The following CA10 variants were observed in gnomAD, a reference collection of about 807,000 sequenced individuals.
The protein encoded by CA10 is carbonic anhydrase-related protein 10.
A neutral mutation model predicts 44.2 loss-of-function variants in CA10; 14 were observed. The ratio of observed to expected loss-of-function variants is 0.32; its 90% CI spans 0.21 to 0.50. CA10 has a LOEUF of 0.50. Among genes scored for constraint, CA10 ranks in the 20% least tolerant of loss-of-function variants. The pLI, the probability that CA10 is intolerant of heterozygous loss-of-function variation, is 0.99. For missense variants in CA10, 350 were observed against 409.7 expected (o/e 0.85, Z 1.26); for synonymous variants, 159 against 141.6 (o/e 1.12, Z -0.87).
chr17:51,677,619 T>TA (rs957831077), intron 4 of CA10, among the ~76,000 whole-genome samples: 2 of 151,818 alleles, frequency 1.3e-5, no homozygotes, highest in African/African-American at 2.4e-5. Context: ...TGCTGATAAT[T>TA]AAAAAAAACC....
intron 1 of CA10, among the ~76,000 whole-genome samples, chr17:52,091,996 C>T (rs1308862246): frequency 1.3e-5 from 2 of 152,172 alleles, no homozygotes; most frequent in Non-Finnish European, 2.9e-5. Flanking sequence ...AATCACTACA[C>T]AAACTTCTAC....
intron 2 of CA10, among the ~76,000 whole-genome samples, chr17:52,000,360 T>C (rs1985380909): frequency 6.6e-6 from 1 of 152,110 alleles, no homozygotes; most frequent in Non-Finnish European, 1.5e-5. Context: ...TTCTTTCAAG[T>C]GCTTTCACAG....
At chr17:52,156,142 G>A (rs990591135) in intron 1 of CA10, among the ~76,000 whole-genome samples, 1 of 152,154 alleles carries the variant, frequency 6.6e-6, no homozygotes, top group Non-Finnish European at 1.5e-5. Flanking sequence ...ACACTGGGGA[G>A]AAGTAAGGAA....
At chr17:52,017,606 G>A (rs1019592463) in intron 2 of CA10, among the ~76,000 whole-genome samples, 5 of 152,170 alleles carry the variant, frequency 3.3e-5, no homozygotes, top group Admixed American at 6.6e-5. Context: ...TTAATTAGAC[G>A]CACATGCAAA....
chr17:51,904,527 T>G (rs1981458106), intron 3 of CA10, among the ~76,000 whole-genome samples: 1 of 152,088 alleles, frequency 6.6e-6, no homozygotes, highest in Non-Finnish European at 1.5e-5. Context: ...GAGCTCCTTT[T>G]ATATTTGCTA....
In CA10 at chr17:51,635,958, GTCTCTGGATATAGT is replaced by G; in HGVS notation, c.672_685del (p.Glu224AspfsTer3). The stretch of plus-strand genomic sequence containing the variant: ...CCCATCGTAAGTGATGAAACTAGAG[GTCTCTGGATATAGT>G]TCCTCTATATTAAGCCCCTGTAGTA... On this transcript the variant is annotated frameshift_variant, in exon 7 of 9. Coordinates refer to ENST00000451037, the MANE Select transcript of CA10 (RefSeq NM_020178.5). LOFTEE classifies it high-confidence loss of function. The G allele has an allele frequency of 6.2e-7, 1 of 1,608,520 alleles. No homozygotes were observed.
intron 2 of CA10, among the ~76,000 whole-genome samples, chr17:52,007,109 G>A (rs1985626351): frequency 6.6e-6 from 1 of 151,456 alleles, no homozygotes; most frequent in Non-Finnish European, 1.5e-5. Context: ...ATATTGATCT[G>A]ATGTGCAATA....
chr17:51,796,149 G>A (rs978013788), intron 3 of CA10, among the ~76,000 whole-genome samples: 2 of 152,026 alleles, frequency 1.3e-5, no homozygotes, highest in Non-Finnish European at 2.9e-5. Context: ...AACGCCACCC[G>A]AGGACCCCTA....
intron 1 of CA10, among the ~76,000 whole-genome samples, chr17:52,096,849 A>G (rs1476526131): frequency 6.6e-6 from 1 of 152,212 alleles, no homozygotes; most frequent in East Asian, 1.9e-4. Flanking sequence ...CATTAAAGTT[A>G]TAGAAAATGC....
chr17:52,035,393 C>A (rs1413804150), intron 2 of CA10, among the ~76,000 whole-genome samples: 1 of 152,196 alleles, frequency 6.6e-6, no homozygotes, highest in Non-Finnish European at 1.5e-5. Flanking sequence ...GTGAGACCCA[C>A]TTTCATTGGC....
chr17:52,109,565 T>C (rs1053223383), intron 1 of CA10, among the ~76,000 whole-genome samples: 1 of 152,240 alleles, frequency 6.6e-6, no homozygotes, highest in Non-Finnish European at 1.5e-5. Flanking sequence ...TGCAGATTAA[T>C]GCAGATTACA....
chr17:51,660,999 G>A (rs762311438), intron 4 of CA10, among the ~76,000 whole-genome samples: 12 of 151,916 alleles, frequency 7.9e-5, no homozygotes, highest in Non-Finnish European at 1.3e-4. Context: ...GAACTCCTTT[G>A]TATCTCAGCT....
Position 51,838,018 on chromosome 17 carries a change from T to G in CA10, c.280-90200A>C, listed in dbSNP as rs1400909589. Among the ~76,000 whole-genome samples, 17 of 152,362 alleles carry G rather than the reference T, an allele frequency of 1.1e-4. No individual in the cohort carries two copies. In the East Asian group the frequency reaches 3.1e-3, roughly 28 times the overall value. Reference sequence around the variant, plus strand: ...ATTGGAGGGCAAGTGTCTTGAAGCCTTTTATCTTTCCAACGTGTAATTAAT... The same window carrying G: ...ATTGGAGGGCAAGTGTCTTGAAGCCGTTTATCTTTCCAACGTGTAATTAAT... On this transcript the variant is annotated intron_variant, in intron 3 of 8. Transcript: ENST00000451037.
intron 3 of CA10, among the ~76,000 whole-genome samples, chr17:51,807,845 G>A (rs541029660): frequency 1.1e-3 from 167 of 152,266 alleles, no homozygotes; most frequent in African/African-American, 3.7e-3. Context: ...TAGTGCCAGC[G>A]GCTATGGCTG....
chr17:51,971,895 T>C (rs933715733), intron 2 of CA10, among the ~76,000 whole-genome samples: 2 of 152,008 alleles, frequency 1.3e-5, no homozygotes, highest in South Asian at 4.1e-4. Flanking sequence ...TTTAATTGAT[T>C]TCTTCCCAAT....
intron 4 of CA10, among the ~76,000 whole-genome samples, chr17:51,713,013 G>A (rs1358990614): frequency 6.6e-6 from 1 of 152,180 alleles, no homozygotes; most frequent in Non-Finnish European, 1.5e-5. Flanking sequence ...TCTTGCCCCT[G>A]CTGGGAAGCT....
intron 4 of CA10, among the ~76,000 whole-genome samples, chr17:51,694,609 T>C (rs756574449): frequency 6.6e-6 from 1 of 152,108 alleles, no homozygotes; most frequent in Non-Finnish European, 1.5e-5. Flanking sequence ...GGGTGGTCTG[T>C]TTACTCTGTT....
At chr17:51,794,076 A>G (rs1006712392) in intron 3 of CA10, among the ~76,000 whole-genome samples, 1 of 152,242 alleles carries the variant, frequency 6.6e-6, no homozygotes, top group Admixed American at 6.5e-5. Flanking sequence ...GATATTTGCA[A>G]ATTAAAACAA....
At chr17:52,149,656 G>A (rs945659659) in intron 1 of CA10, among the ~76,000 whole-genome samples, 6 of 152,178 alleles carry the variant, frequency 3.9e-5, no homozygotes, top group East Asian at 1.9e-4. Context: ...TAGATATACC[G>A]TAAAATCCAT....
Sources: gnomAD v4.1 joint callset for allele counts (sites outside exome capture counted in the v4.1 genomes callset) on GRCh38, gnomAD v4.1.1 for gene constraint, MANE v1.5 for transcripts, NCBI Gene and HGNC (gene_info 2026-07-23, HGNC 2026-07-21) for gene names.